The following TPR variants were observed in gnomAD, a reference collection of about 807,000 sequenced individuals.
TPR encodes translocated promoter region, nuclear basket protein.
A neutral mutation model predicts 316.1 loss-of-function variants in TPR; 51 were observed. The ratio of observed to expected loss-of-function variants is 0.16; its 90% confidence interval spans 0.13 to 0.20. The LOEUF is 0.20. TPR is among the 10% of genes least tolerant of loss of function. TPR has a pLI of 1.00. For missense variants in TPR, 2,272 were observed against 2,754.8 expected (o/e 0.82, Z 3.92); for synonymous variants, 981 against 914.7 (o/e 1.07, Z -1.31).
chr1:186,363,515 A>G, intron 4 of TPR, 70 bp from the exon 5 acceptor site: 1 of 1,039,658 alleles, frequency 9.6e-7, no homozygotes, highest in Non-Finnish European at 1.4e-6. Flanking sequence ...TCAAAAATAT[A>G]TTTCTAGGAA....
At chr1:186,336,397 T>C in intron 33 of TPR, 99 bp downstream of exon 33, 2 of 1,150,112 alleles carry the variant, frequency 1.7e-6, no homozygotes, top group Non-Finnish European at 2.5e-6. Context: ...CAAACACCCT[T>C]CATAAGTAGA....
chr1:186,332,287 T>C lies in TPR; in HGVS notation c.5512A>G (p.Ser1838Gly), dbSNP rs945244142. 9 of 1,612,864 alleles carry C rather than the reference T, an allele frequency of 5.6e-6. No individual in the cohort carries two copies. In the African/African-American group the frequency reaches 1.2e-4, roughly 22 times the overall value. ...PKRTREEEED[S>G]TIEASDQVSD... Reference sequence around the variant, plus strand: ...ACTTGGTCTGATGCTTCTATGGTGCTATCCTCTTCCTCTTCACGTGTACGC... The same window carrying C: ...ACTTGGTCTGATGCTTCTATGGTGCCATCCTCTTCCTCTTCACGTGTACGC... The change falls in exon 38 of 51, where the codon AGC (serine) becomes GGC (glycine). Residue 1838 changes from serine to glycine, a missense_variant. By Grantham distance (56) the Ser-to-Gly change is moderately conservative. Around this residue, in one of 10 missense-constraint regions of TPR, gnomAD observed 435 missense variants for 461.1 expected, o/e 0.94. Transcript: ENST00000367478.
At position 186,358,528 on chromosome 1, in the gene TPR, CA is replaced by C; in HGVS notation, c.1497+14del. On this transcript the variant is annotated intron_variant, in intron 13 of 50. Coordinates refer to ENST00000367478, the MANE Select transcript of TPR (RefSeq NM_003292.3). Reference sequence around the variant, plus strand: ...AGGTTTTTAAAAGTAGGAAAACAAACAAAAAAATTCTAACCTGTTGTGAAAG... The same window carrying C: ...AGGTTTTTAAAAGTAGGAAAACAAACAAAAAATTCTAACCTGTTGTGAAAG... The C allele has an allele frequency of 4.4e-6, 7 of 1,599,192 alleles. No homozygotes were observed. The highest frequency in any genetic ancestry group is 3.5e-5 in the Admixed American group (2 of 56,864).
chr1:186,351,518 C>CA lies in TPR; in HGVS notation c.2470-49dup, dbSNP rs762857813. On this transcript the variant is annotated intron_variant, in intron 19 of 50. Coordinates refer to ENST00000367478, the MANE Select transcript of TPR (RefSeq NM_003292.3). ...GGTTATGCTTAAGAAAAAGGCAATA[C>CA]AAAAAAATAAAAATTGAAGGCAAGA... 4.0e-6 allele frequency: 6 copies of CA among 1,482,996 alleles called. No homozygotes were observed. The African/African-American group carries it at 5.8e-5, about 14-fold the overall frequency. The allele number at this position is 1,482,996 out of a possible 1,614,324, so 91.9% of individuals were successfully genotyped here. A position where few individuals can be genotyped will look rare whatever the true frequency, so the allele number is the denominator to read the frequency against.
At chr1:186,344,624 T>C (rs1658621173) in intron 24 of TPR, 46 bp from the exon 25 acceptor site, 1 of 1,407,230 alleles carries the variant, frequency 7.1e-7, no homozygotes, top group African/African-American at 1.4e-5. Context: ...TAAAAATCCA[T>C]AAAACTAGTT....
At position 186,334,294 on chromosome 1, in the gene TPR, A is replaced by C. The variant is rs752466327; in HGVS notation, c.5182+31T>G. 36 of 1,543,168 alleles carry C rather than the reference A, an allele frequency of 2.3e-5. No homozygotes were observed. In the Admixed American group the frequency reaches 4.3e-4, roughly 19 times the overall value. On this transcript the variant is annotated intron_variant, in intron 36 of 50. Transcript: ENST00000367478. ...CTTCTCATAATAAATCTAAATAAGC[A>C]GTCTCATCAGATCTGTATTATTTTA...
At chr1:186,333,068 AAGAT>A in intron 37 of TPR, 50 bp downstream of exon 37, 1 of 1,580,028 alleles carries the variant, frequency 6.3e-7, no homozygotes, top group Non-Finnish European at 8.6e-7. Flanking sequence ...AGATACACTC[AAGAT>A]CTTATAAATG....
In TPR at chr1:186,312,849, A is replaced by C. The variant is rs1445334616; in HGVS notation, c.*1122T>G. The C allele has an allele frequency of 6.2e-7, 1 of 1,612,510 alleles. No individual in the cohort carries two copies. The highest frequency in any genetic ancestry group is 1.3e-5 in the African/African-American group (1 of 74,910). ...GGTTACCTCAGCTATATCACTGCCC[A>C]ACATCAGAAAACCTGACGGCTATGA... On this transcript the variant is annotated 3_prime_UTR_variant, in exon 51 of 51. Transcript: ENST00000367478.
chr1:186,326,128 A>T lies in TPR; in HGVS notation c.5997T>A (p.Asp1999Glu). 1 of 1,613,764 alleles carries T rather than the reference A, an allele frequency of 6.2e-7. No homozygotes were observed. Among genetic ancestry groups the T allele is most frequent in the Non-Finnish European group, 8.5e-7 (1 of 1,179,726 alleles). ...CCTCAGCATCATCAGCTTCATAACCATCATTGCCATCGGCACTACCAGTTC... is the reference window on the plus strand; with the variant it reads ...CCTCAGCATCATCAGCTTCATAACCTTCATTGCCATCGGCACTACCAGTTC... ...NEGTGSADGN[D>E]GYEADDAEGG... The change falls in exon 41 of 51, where the codon GAT becomes GAA. Residue 1999 changes from aspartate to glutamate, a missense_variant. Asp to Glu is a conservative substitution (Grantham distance 45). This residue lies in a region of TPR where 435 missense variants were observed against 461.1 expected (regional missense o/e 0.94). Transcript: ENST00000367478.
intron 49 of TPR, among the ~76,000 whole-genome samples, chr1:186,315,413 T>C (rs12749203): frequency 0.098 from 14,857 of 152,056 alleles, 1,002 homozygotes; most frequent in East Asian, 0.38. Flanking sequence ...ACAAATTATA[T>C]CTGATTCTTT....
intron 22 of TPR, 64 bp downstream of exon 22, chr1:186,347,228 A>T: frequency 2.6e-6 from 4 of 1,562,644 alleles, no homozygotes; most frequent in African/African-American, 1.3e-5. Flanking sequence ...GCAGTCCTCT[A>T]GTTACTAAAA....
chr1:186,350,482 A>G (rs1658826983), intron 20 of TPR, 94 bp from the exon 21 acceptor site: 2 of 947,716 alleles, frequency 2.1e-6, no homozygotes, highest in Non-Finnish European at 2.9e-6. Flanking sequence ...CTCGGCCAAG[A>G]GAGTAACAGA....
chr1:186,338,530 T>C (rs1353893777), intron 30 of TPR, among the ~76,000 whole-genome samples: 1 of 152,212 alleles, frequency 6.6e-6, no homozygotes, highest in African/African-American at 2.4e-5. Context: ...TACCCAGATT[T>C]TAATTCAGAC....
intron 49 of TPR, among the ~76,000 whole-genome samples, 200 bp from the exon 50 acceptor site, chr1:186,314,924 T>C (rs1168971075): frequency 1.3e-5 from 2 of 152,066 alleles, no homozygotes; most frequent in Non-Finnish European, 2.9e-5. Flanking sequence ...AGCAGCACTT[T>C]GGGAGGCTAA....
At chr1:186,334,718 T>C (rs764979532) in intron 35 of TPR, among the ~76,000 whole-genome samples, 185 bp from the exon 36 acceptor site, 3 of 152,150 alleles carry the variant, frequency 2.0e-5, no homozygotes, top group Non-Finnish European at 4.4e-5. Flanking sequence ...ATCCTGACAA[T>C]GTAAAATGTA....
In TPR at chr1:186,333,213, A is replaced by G; in HGVS notation, c.5364T>C (p.Pro1788=). The G allele has an allele frequency of 6.2e-7, 1 of 1,613,666 alleles. No homozygotes were observed. The highest frequency in any genetic ancestry group is 1.1e-5 in the South Asian group (1 of 91,084). Residue 1788 remains proline, a synonymous_variant, in exon 37 of 51, where the codon CCT becomes CCC. Transcript: ENST00000367478. ...PTQQSHPQIE[P]ANQELSSNIV... is the part of the protein sequence containing the mutation. ...TGTTTGAAGATAACTCTTGATTGGC[A>G]GGCTCAATCTGAGGATGACTCTGTT...
chr1:186,353,158 G>A (rs1325116708), intron 18 of TPR, among the ~76,000 whole-genome samples: 2 of 152,140 alleles, frequency 1.3e-5, no homozygotes, highest in East Asian at 1.9e-4. Context: ...AAATCACGAG[G>A]TCAGTAGATC....
Position 186,347,283 on chromosome 1 carries a change from T to G in TPR, c.2943+9A>C. ...TGAGATTGAATTCTGAATTCAGAAT[T>G]ATACATACCTGTTTTTCCTTGTTCA... On this transcript the variant is annotated intron_variant, in intron 22 of 50. Transcript: ENST00000367478. 6.2e-7 allele frequency: 1 copy of G among 1,612,612 alleles called. No individual in the cohort carries two copies. The highest frequency in any genetic ancestry group is 8.5e-7 in the Non-Finnish European group (1 of 1,179,260).
intron 46 of TPR, 84 bp downstream of exon 46, chr1:186,320,226 GCT>G (rs999818551): frequency 1.2e-5 from 13 of 1,100,970 alleles, no homozygotes; most frequent in African/African-American, 8.1e-5. Context: ...ATTCATATTT[GCT>G]CTTTTTCCCC....
Sources: allele counts gnomAD v4.1 joint callset (sites outside exome capture counted in the v4.1 genomes callset), GRCh38; gene constraint gnomAD v4.1.1; regional missense constraint gnomAD v4.1.1; transcripts MANE v1.5; gene names NCBI Gene and HGNC (gene_info 2026-07-23, HGNC 2026-07-21).